The following ARHGAP15 variants were observed in gnomAD, a reference collection of about 807,000 sequenced individuals.
The protein encoded by ARHGAP15 is rho GTPase-activating protein 15.
ARHGAP15 carries 51 observed loss-of-function variants against 63.7 expected under a neutral mutation model. That is an observed-to-expected ratio of 0.80 (90% CI 0.64 to 1.01). The LOEUF is 1.01. ARHGAP15 is among the 50% of genes least tolerant of loss of function. The probability of loss-of-function intolerance (pLI) is 0.00; values close to 1 mark genes in which losing one functional copy is unlikely to be tolerated. For missense variants in ARHGAP15, 560 were observed against 564.6 expected (o/e 0.99, Z 0.08); for synonymous variants, 191 against 193.8 (o/e 0.99, Z 0.12).
intron 12 of ARHGAP15, among the ~76,000 whole-genome samples, chr2:143,699,982 C>G (rs909404928): frequency 1.3e-5 from 2 of 152,160 alleles, no homozygotes; most frequent in Non-Finnish European, 2.9e-5. Context: ...TCCACATATT[C>G]CAGTTCATGG....
chr2:143,421,032 C>T (rs1307102775), intron 6 of ARHGAP15, among the ~76,000 whole-genome samples: 1 of 152,212 alleles, frequency 6.6e-6, no homozygotes, highest in African/African-American at 2.4e-5. Context: ...TAGCTGCCAT[C>T]TCTGTCTCTG....
chr2:143,441,605 G>GT (rs1167204671), intron 8 of ARHGAP15, among the ~76,000 whole-genome samples: 1 of 152,082 alleles, frequency 6.6e-6, no homozygotes, highest in Non-Finnish European at 1.5e-5. Context: ...AATAACTTTT[G>GT]TATGTAGGTT....
chr2:143,332,040 A>C (rs558345851), intron 6 of ARHGAP15, among the ~76,000 whole-genome samples: 30 of 152,284 alleles, frequency 2.0e-4, no homozygotes, highest in African/African-American at 7.0e-4. Flanking sequence ...ACCCTAGAAA[A>C]TAATAATGCA....
intron 6 of ARHGAP15, among the ~76,000 whole-genome samples, chr2:143,282,918 G>T (rs1425654228): frequency 1.3e-5 from 2 of 152,092 alleles, no homozygotes; most frequent in Non-Finnish European, 2.9e-5. Flanking sequence ...GCTGTAGCCA[G>T]CCCTTCAATA....
intron 10 of ARHGAP15, among the ~76,000 whole-genome samples, chr2:143,549,928 G>T (rs572215766): frequency 1.2e-4 from 19 of 152,098 alleles, no homozygotes; most frequent in East Asian, 9.7e-4. Flanking sequence ...GGAGAGAGTT[G>T]GACACATACA....
chr2:143,420,605 C>T (rs7587011), intron 6 of ARHGAP15, among the ~76,000 whole-genome samples: 135,125 of 152,208 alleles, frequency 0.89, 60,397 homozygotes, highest in Middle Eastern at 0.97. Context: ...GAAGCCTCTG[C>T]GGTAATTTAC....
chr2:143,597,352 A>G (rs887951578), intron 11 of ARHGAP15, among the ~76,000 whole-genome samples: 1 of 152,186 alleles, frequency 6.6e-6, no homozygotes, highest in Non-Finnish European at 1.5e-5. Flanking sequence ...ATTTAAGCCT[A>G]TAGATCTCAA....
chr2:143,603,449 G>C (rs182721926), intron 11 of ARHGAP15, among the ~76,000 whole-genome samples: 64 of 152,254 alleles, frequency 4.2e-4, no homozygotes, highest in Admixed American at 9.2e-4. Context: ...TCAAATTAGG[G>C]AGAGACCCCA....
chr2:143,197,215 A>C (rs1691915223), intron 2 of ARHGAP15, among the ~76,000 whole-genome samples: 1 of 151,976 alleles, frequency 6.6e-6, no homozygotes, highest in Admixed American at 6.6e-5. Flanking sequence ...GTATATTTTG[A>C]TCACTTACTA....
intron 11 of ARHGAP15, among the ~76,000 whole-genome samples, chr2:143,612,377 C>T (rs1204266970): frequency 6.6e-6 from 1 of 152,160 alleles, no homozygotes; most frequent in Non-Finnish European, 1.5e-5. Context: ...ATCCAAAAGC[C>T]TCTGTTTCAG....
At chr2:143,640,951 A>G (rs1417613305) in intron 12 of ARHGAP15, 1 of 152,138 alleles carries the variant, frequency 6.6e-6, no homozygotes, top group Non-Finnish European at 1.5e-5. Context: ...AGGGCCATGT[A>G]TGAACAACCA....
At chr2:143,436,274 T>C (rs750721724) in intron 7 of ARHGAP15, among the ~76,000 whole-genome samples, 5 of 152,154 alleles carry the variant, frequency 3.3e-5, no homozygotes, top group Non-Finnish European at 5.9e-5. Flanking sequence ...AACATTTAAT[T>C]TTATGACACT....
At chr2:143,685,257 C>T (rs929135639) in intron 12 of ARHGAP15, among the ~76,000 whole-genome samples, 2 of 152,100 alleles carry the variant, frequency 1.3e-5, no homozygotes, top group Non-Finnish European at 2.9e-5. Context: ...ATAATACCAC[C>T]GGCTCCTCTG....
At chr2:143,255,227 G>GA (rs780430812) in intron 6 of ARHGAP15, among the ~76,000 whole-genome samples, 163 of 152,020 alleles carry the variant, frequency 1.1e-3, no homozygotes, top group Non-Finnish European at 2.0e-3. Flanking sequence ...TTGAAAGGCA[G>GA]AAAAAATTAA....
At chr2:143,480,843 G>T (rs567395130) in intron 8 of ARHGAP15, 1 of 152,208 alleles carries the variant, frequency 6.6e-6, no homozygotes, top group Non-Finnish European at 1.5e-5. Context: ...TAGCACAAGC[G>T]TGAATGCCCT....
intron 13 of ARHGAP15, among the ~76,000 whole-genome samples, chr2:143,737,842 C>T (rs1473776987): frequency 1.3e-5 from 2 of 151,918 alleles, no homozygotes; most frequent in African/African-American, 2.4e-5. Context: ...CTGCAAGCTC[C>T]GCCTCCTGGG....
At chr2:143,276,790 T>C (rs1681578207) in intron 6 of ARHGAP15, among the ~76,000 whole-genome samples, 1 of 152,076 alleles carries the variant, frequency 6.6e-6, no homozygotes, top group Admixed American at 6.6e-5. Flanking sequence ...CAGAGTAAGA[T>C]TTTGTCTCTT....
intron 12 of ARHGAP15, among the ~76,000 whole-genome samples, chr2:143,675,162 C>T (rs1011842461): frequency 3.3e-5 from 5 of 152,158 alleles, no homozygotes; most frequent in Admixed American, 6.5e-5. Flanking sequence ...CTCAAGAAAC[C>T]ACTTTCTTTC....
chr2:143,360,885 A>G (rs1305821557), intron 6 of ARHGAP15, among the ~76,000 whole-genome samples: 2 of 152,212 alleles, frequency 1.3e-5, no homozygotes, highest in Non-Finnish European at 1.5e-5. Context: ...TTAATGTTTT[A>G]TGTTCTAAAT....
Sources: allele counts gnomAD v4.1 joint callset (sites outside exome capture counted in the v4.1 genomes callset), GRCh38; gene constraint gnomAD v4.1.1; transcripts MANE v1.5; gene names NCBI Gene and HGNC (gene_info 2026-07-23, HGNC 2026-07-21).